The following GMDS variants were observed in gnomAD, a reference collection of about 807,000 sequenced individuals.
GMDS encodes GDP-mannose 4,6 dehydratase.
Under a neutral mutation model 49.9 loss-of-function variants are expected in GMDS, and 20 were observed. The observed-to-expected ratio is 0.40, with a 90% CI of 0.28 to 0.58. GMDS has a LOEUF of 0.58. Ranked by LOEUF, GMDS falls within the 20% of genes least tolerant of loss-of-function variation. GMDS has a pLI of 0.42. For synonymous variants in GMDS, 177 were observed against 178.6 expected (o/e 0.99, Z 0.07); for missense variants, 362 against 481.4 (o/e 0.75, Z 2.32).
chr6:2,178,637 G>A (rs1427750142), intron 1 of GMDS, among the ~76,000 whole-genome samples: 1 of 152,120 alleles, frequency 6.6e-6, no homozygotes, highest in Non-Finnish European at 1.5e-5. Flanking sequence ...CACTACCTGA[G>A]TGACAGATTC....
chr6:1,883,127 G>C (rs1759438876), intron 7 of GMDS, among the ~76,000 whole-genome samples: 1 of 152,106 alleles, frequency 6.6e-6, no homozygotes, highest in African/African-American at 2.4e-5. Flanking sequence ...TATGGGCCGG[G>C]TGCGGTGGCA....
At chr6:1,970,946 C>G (rs937894788) in intron 4 of GMDS, among the ~76,000 whole-genome samples, 7 of 150,866 alleles carry the variant, frequency 4.6e-5, no homozygotes, top group Admixed American at 1.3e-4. Context: ...ACACACGTAT[C>G]CCAGACTTAA....
chr6:1,929,435 G>T (rs1336242788), intron 7 of GMDS, among the ~76,000 whole-genome samples: 3 of 152,162 alleles, frequency 2.0e-5, no homozygotes, highest in East Asian at 1.9e-4. Context: ...GTTTATAAAA[G>T]AAAAATCATA....
chr6:1,968,439 C>T (rs1764386495), intron 4 of GMDS, among the ~76,000 whole-genome samples: 1 of 152,174 alleles, frequency 6.6e-6, no homozygotes, highest in Non-Finnish European at 1.5e-5. Flanking sequence ...CATTCCAGCT[C>T]CTGAAGCCAG....
chr6:1,787,959 G>A (rs1769387800), intron 7 of GMDS, among the ~76,000 whole-genome samples: 1 of 152,180 alleles, frequency 6.6e-6, no homozygotes, highest in South Asian at 2.1e-4. Context: ...AGAGTGTGGA[G>A]AAGGCAACCC....
At chr6:1,814,371 A>G (rs960750912) in intron 7 of GMDS, among the ~76,000 whole-genome samples, 8 of 152,096 alleles carry the variant, frequency 5.3e-5, no homozygotes, top group Non-Finnish European at 1.2e-4. Context: ...TATAAAGACT[A>G]CTGGAACATT....
chr6:2,182,963 C>T (rs1459520108), intron 1 of GMDS, among the ~76,000 whole-genome samples: 1 of 152,174 alleles, frequency 6.6e-6, no homozygotes, highest in African/African-American at 2.4e-5. Flanking sequence ...CTGCCTCAGC[C>T]TCCCAAAGTG....
At chr6:1,683,996 A>ATTTTTTTTGTATTT (rs1561726044) in intron 9 of GMDS, among the ~76,000 whole-genome samples, 4 of 66,534 alleles carry the variant, frequency 6.0e-5, no homozygotes, top group African/African-American at 9.0e-5. Flanking sequence ...TCTATCAGCT[A>ATTTTTTTTGTATTT]TGAGGGTGGG....
intron 7 of GMDS, among the ~76,000 whole-genome samples, chr6:1,837,823 T>C (rs556874056): frequency 2.0e-5 from 3 of 152,172 alleles, no homozygotes; most frequent in Non-Finnish European, 4.4e-5. Flanking sequence ...CCCACAGGTC[T>C]GGACAGGATC....
chr6:1,976,542 T>C (rs1269684744), intron 4 of GMDS, among the ~76,000 whole-genome samples: 2 of 152,192 alleles, frequency 1.3e-5, no homozygotes, highest in Non-Finnish European at 2.9e-5. Flanking sequence ...TGTAGATGCC[T>C]TTTTCTAAAT....
At chr6:2,223,615 G>A (rs965871829) in intron 1 of GMDS, among the ~76,000 whole-genome samples, 2 of 152,158 alleles carry the variant, frequency 1.3e-5, no homozygotes, top group African/African-American at 4.8e-5. Context: ...AGCAGGACCT[G>A]CTGGTGAAGA....
At chr6:1,910,903 C>T (rs573253014) in intron 7 of GMDS, among the ~76,000 whole-genome samples, 1 of 152,218 alleles carries the variant, frequency 6.6e-6, no homozygotes, top group East Asian at 1.9e-4. Flanking sequence ...TATTAAAAAA[C>T]TGGCATTGTG....
In GMDS at chr6:2,239,648, C is replaced by G. The variant is rs1781519640; in HGVS notation, c.102+5673G>C. ...TGTAACAGTCTTTGATTAAGCAGGA[C>G]AGTACTCAAGACATCTCTCTCACTT... On this transcript the variant is annotated intron_variant, in intron 1 of 10. Transcript: ENST00000380815. 3.9e-5 allele frequency among the ~76,000 whole-genome samples: 6 copies of G among 152,030 alleles called. No individual in the cohort carries two copies. The South Asian group carries it at 1.2e-3, about 31-fold the overall frequency.
At position 2,191,099 on chromosome 6, in the gene GMDS, C is replaced by T. The variant is rs771396466; in HGVS notation, c.102+54222G>A. On this transcript the variant is annotated intron_variant, in intron 1 of 10. Transcript: ENST00000380815. This position sits in a 1 kb window ranked among gnomAD's most constrained non-coding sequence, Gnocchi z 4.6. Reference sequence around the variant, plus strand: ...GACCCAGCCAGTGGTGCGGTCACCACGCCCACTGCACCAAGGGTGCCGTGT... The same window carrying T: ...GACCCAGCCAGTGGTGCGGTCACCATGCCCACTGCACCAAGGGTGCCGTGT... Among the ~76,000 whole-genome samples, 24 of 152,226 alleles carry T rather than the reference C, an allele frequency of 1.6e-4. No individual in the cohort carries two copies. Among genetic ancestry groups the T allele is most frequent in the Admixed American group, 2.6e-4 (4 of 15,306 alleles).
chr6:2,023,508 G>A (rs773647484), intron 4 of GMDS, among the ~76,000 whole-genome samples: 13 of 152,226 alleles, frequency 8.5e-5, no homozygotes, highest in Admixed American at 1.3e-4. Context: ...CAAGTGGACA[G>A]CATTCCACGG....
rs752922930 is a variant in GMDS, at chr6:1,933,281, G to A, written c.644-3051C>T. The stretch of plus-strand genomic sequence containing the variant: ...TACCAAATTTTATTTAACCGTCCAC[G>A]AGATGACTATCTGTGGTGCCTCCAT... On this transcript the variant is annotated intron_variant, in intron 6 of 10. Coordinates refer to ENST00000380815, the MANE Select transcript of GMDS (RefSeq NM_001500.4). 7.2e-5 allele frequency among the ~76,000 whole-genome samples: 11 copies of A among 152,188 alleles called. 1 individual carries two copies. In the South Asian group the frequency reaches 1.0e-3, roughly 14 times the overall value.
At chr6:1,740,098 T>C (rs778940329) in intron 8 of GMDS, among the ~76,000 whole-genome samples, 1 of 152,240 alleles carries the variant, frequency 6.6e-6, no homozygotes, top group African/African-American at 2.4e-5. Flanking sequence ...TTTTAAAGAA[T>C]AAGATGTTAT....
chr6:1,707,779 G>A (rs1465961278), intron 9 of GMDS, among the ~76,000 whole-genome samples: 1 of 152,254 alleles, frequency 6.6e-6, no homozygotes, highest in Non-Finnish European at 1.5e-5. Context: ...GTTGGAAAGT[G>A]CGCTTGCACT....
intron 6 of GMDS, among the ~76,000 whole-genome samples, chr6:1,944,220 C>T (rs922915604): frequency 6.6e-6 from 1 of 152,166 alleles, no homozygotes. Context: ...TAAAATTTCA[C>T]ACTCAGCTGG....
Sources: allele counts gnomAD v4.1 joint callset (sites outside exome capture counted in the v4.1 genomes callset), GRCh38; gene constraint gnomAD v4.1.1; non-coding constraint Gnocchi (gnomAD v3.1); transcripts MANE v1.5; gene names NCBI Gene and HGNC (gene_info 2026-07-23, HGNC 2026-07-21).